Variants in MEOX2 observed in about 807,000 individuals in gnomAD.
MEOX2 encodes homeobox protein MOX-2.
A neutral mutation model predicts 27.0 loss-of-function variants in MEOX2; 11 were observed. The ratio of observed to expected loss-of-function variants is 0.41; its 90% CI spans 0.26 to 0.68. The LOEUF is 0.68. Ranked by LOEUF, MEOX2 falls within the 30% of genes least tolerant of loss-of-function variation. The pLI, the probability that MEOX2 is intolerant of heterozygous loss-of-function variation, is 0.33. For missense variants in MEOX2, 436 were observed against 385.4 expected, an observed-to-expected ratio of 1.13 and a Z score of -1.10; for synonymous variants, 189 against 155.4, an observed-to-expected ratio of 1.22 and a Z score of -1.61.
intron 1 of MEOX2, among the ~76,000 whole-genome samples, chr7:15,648,108 A>C (rs932029646): frequency 6.6e-6 from 1 of 152,074 alleles, no homozygotes; most frequent in Non-Finnish European, 1.5e-5. Flanking sequence ...ATATATTTTT[A>C]ATTAACAGGT....
At chr7:15,680,341 T>C (rs1354964095) in intron 1 of MEOX2, 1 of 152,004 alleles carries the variant, frequency 6.6e-6, no homozygotes, top group Non-Finnish European at 1.5e-5. Context: ...ATTTTTATAA[T>C]GTAAGTAAAA....
chr7:15,634,885 C>G (rs1213654289), intron 1 of MEOX2, among the ~76,000 whole-genome samples: 1 of 151,916 alleles, frequency 6.6e-6, no homozygotes, highest in South Asian at 2.1e-4. Context: ...CCACATGGAA[C>G]AGTAAAATGA....
intron 1 of MEOX2, among the ~76,000 whole-genome samples, chr7:15,655,255 T>G (rs975056183): frequency 6.6e-6 from 1 of 151,734 alleles, no homozygotes; most frequent in African/African-American, 2.4e-5. Context: ...TGCTGGCATT[T>G]TTGTGGCTTC....
intron 1 of MEOX2, chr7:15,680,575 T>C (rs1782277491): frequency 6.6e-6 from 1 of 151,948 alleles, no homozygotes; most frequent in South Asian, 2.1e-4. Context: ...TTTACACCGT[T>C]ACTCCTTTTC....
intron 1 of MEOX2, among the ~76,000 whole-genome samples, chr7:15,674,181 T>C (rs993380035): frequency 6.6e-6 from 1 of 152,158 alleles, no homozygotes; most frequent in Non-Finnish European, 1.5e-5. Flanking sequence ...AACATTTGTA[T>C]TTTAAGTGTA....
At chr7:15,664,907 A>G (rs1781975398) in intron 1 of MEOX2, among the ~76,000 whole-genome samples, 1 of 152,182 alleles carries the variant, frequency 6.6e-6, no homozygotes, top group Non-Finnish European at 1.5e-5. Flanking sequence ...TAAATACTTT[A>G]TCTTGGAGGA....
At chr7:15,625,937 C>T (rs929298315) in intron 2 of MEOX2, among the ~76,000 whole-genome samples, 4 of 152,118 alleles carry the variant, frequency 2.6e-5, no homozygotes, top group Non-Finnish European at 4.4e-5. Context: ...AAAGTATTCT[C>T]TGAGTGGGTA....
chr7:15,648,928 C>G (rs923945813), intron 1 of MEOX2, among the ~76,000 whole-genome samples: 11 of 152,156 alleles, frequency 7.2e-5, no homozygotes, highest in Non-Finnish European at 1.6e-4. Context: ...AAATGCCTCA[C>G]TCCATAAATG....
intron 1 of MEOX2, among the ~76,000 whole-genome samples, chr7:15,648,969 G>T (rs1209114872): frequency 1.3e-5 from 2 of 152,006 alleles, no homozygotes; most frequent in Admixed American, 1.3e-4. Context: ...ATGAAATTAA[G>T]TTGTTCCCTT....
chr7:15,675,777 A>C (rs564150012), intron 1 of MEOX2, among the ~76,000 whole-genome samples: 67 of 152,342 alleles, frequency 4.4e-4, no homozygotes, highest in Non-Finnish European at 8.5e-4. Flanking sequence ...GCACTGGTTG[A>C]TGCCGTTGGA....
chr7:15,635,379 A>G (rs1781464904), intron 1 of MEOX2, among the ~76,000 whole-genome samples: 1 of 151,994 alleles, frequency 6.6e-6, no homozygotes, highest in African/African-American at 2.4e-5. Flanking sequence ...AACCTAAAAT[A>G]CTCAAACAGA....
chr7:15,623,815 T>G (rs1781254941), intron 2 of MEOX2, among the ~76,000 whole-genome samples: 1 of 152,250 alleles, frequency 6.6e-6, no homozygotes, highest in African/African-American at 2.4e-5. Context: ...CCTGTGACAT[T>G]CTACACTCAT....
At chr7:15,614,200 TA>T (rs1781084451) in intron 2 of MEOX2, among the ~76,000 whole-genome samples, 1 of 130,646 alleles carries the variant, frequency 7.7e-6, no homozygotes, top group African/African-American at 2.7e-5. Flanking sequence ...TACAAATAAA[TA>T]GATAAAATAA....
intron 1 of MEOX2, among the ~76,000 whole-genome samples, chr7:15,661,125 T>C (rs1196473311): frequency 6.6e-6 from 1 of 150,656 alleles, no homozygotes; most frequent in Non-Finnish European, 1.5e-5. Flanking sequence ...ATTTCTAAAT[T>C]AAGAAACTGG....
At chr7:15,629,883 T>C (rs1562598535) in intron 1 of MEOX2, among the ~76,000 whole-genome samples, 1 of 152,026 alleles carries the variant, frequency 6.6e-6, no homozygotes. Flanking sequence ...ATTTGCACCA[T>C]GCATTTGACA....
At chr7:15,655,593 T>C (rs1583772579) in intron 1 of MEOX2, among the ~76,000 whole-genome samples, 1 of 151,792 alleles carries the variant, frequency 6.6e-6, no homozygotes, top group Non-Finnish European at 1.5e-5. Flanking sequence ...CAGATCAATG[T>C]ATTTTTTATT....
intron 1 of MEOX2, among the ~76,000 whole-genome samples, chr7:15,682,736 A>C (rs1450171990): frequency 6.6e-6 from 1 of 151,934 alleles, no homozygotes; most frequent in African/African-American, 2.4e-5. Flanking sequence ...ATGTAATTGA[A>C]GCCAAGCAAT....
chr7:15,668,744 G>A (rs1036575706), intron 1 of MEOX2, among the ~76,000 whole-genome samples: 2 of 152,138 alleles, frequency 1.3e-5, no homozygotes, highest in Admixed American at 1.3e-4. Flanking sequence ...CCAAAGTGCT[G>A]AGATTACAGG....
intron 1 of MEOX2, among the ~76,000 whole-genome samples, chr7:15,628,239 G>C (rs1165192632): frequency 6.6e-6 from 1 of 151,956 alleles, no homozygotes; most frequent in Non-Finnish European, 1.5e-5. Flanking sequence ...CTGCCTGAGG[G>C]ATGTTTAACT....
Sources: allele counts gnomAD v4.1 joint callset (sites outside exome capture counted in the v4.1 genomes callset), GRCh38; gene constraint gnomAD v4.1.1; transcripts MANE v1.5; gene names NCBI Gene and HGNC (gene_info 2026-07-23, HGNC 2026-07-21).